Variants in NEBL observed in about 807,000 individuals in gnomAD.
The protein encoded by NEBL is nebulette.
In NEBL, 122 loss-of-function variants were observed where a neutral mutation model predicts 140.2. The ratio of observed to expected loss-of-function variants is 0.87; its 90% CI spans 0.75 to 1.01. NEBL has a LOEUF of 1.01. Among genes scored for constraint, NEBL ranks in the 50% least tolerant of loss-of-function variants. The pLI is 0.00. For missense variants in NEBL, 1,365 were observed against 1,231.3 expected, an observed-to-expected ratio of 1.11 and a Z score of -1.62; for synonymous variants, 436 against 398.9, an observed-to-expected ratio of 1.09 and a Z score of -1.11.
At chr10:20,918,185 C>A (rs1042338772) in intron 4 of NEBL, among the ~76,000 whole-genome samples, 5 of 151,984 alleles carry the variant, frequency 3.3e-5, no homozygotes, top group Non-Finnish European at 7.4e-5. Context: ...ATGCTGAAAC[C>A]CTGTCGCTAC....
At chr10:21,258,908 A>G (rs1384740778) in intron 1 of NEBL, among the ~76,000 whole-genome samples, 1 of 152,032 alleles carries the variant, frequency 6.6e-6, no homozygotes, top group East Asian at 1.9e-4. Flanking sequence ...GGGTCAGGCA[A>G]TGTTCTAGGT....
chr10:21,156,103 TAGAA>T (rs1177905133), intron 2 of NEBL, among the ~76,000 whole-genome samples: 4 of 152,154 alleles, frequency 2.6e-5, no homozygotes, highest in Non-Finnish European at 5.9e-5. Context: ...AGTGGTAAAA[TAGAA>T]AGAATCAGTA....
intron 2 of NEBL, chr10:21,125,754 A>G (rs1332241974): frequency 2.5e-5 from 31 of 1,216,604 alleles, no homozygotes; most frequent in Non-Finnish European, 3.0e-5. Flanking sequence ...GCACGGATGG[A>G]AACAGAACTC....
intron 4 of NEBL, chr10:20,961,654 G>A: frequency 6.5e-7 from 1 of 1,530,914 alleles, no homozygotes; most frequent in Non-Finnish European, 9.1e-7. Flanking sequence ...TCATGCTATT[G>A]AATAAACAGG....
At chr10:20,859,583 TA>T in intron 8 of NEBL, 129 bp downstream of exon 8, 1 of 613,364 alleles carries the variant, frequency 1.6e-6, no homozygotes, top group Non-Finnish European at 2.9e-6. Context: ...GAAAAAGCTT[TA>T]GAAAAATATG....
At chr10:20,953,302 C>T (rs369133494) in intron 4 of NEBL, among the ~76,000 whole-genome samples, 19 of 152,276 alleles carry the variant, frequency 1.2e-4, no homozygotes, top group East Asian at 7.7e-4. Context: ...TCTCTCTCCA[C>T]ATGCACACAC....
At chr10:20,918,892 T>C (rs1441666642) in intron 4 of NEBL, among the ~76,000 whole-genome samples, 2 of 151,832 alleles carry the variant, frequency 1.3e-5, no homozygotes, top group African/African-American at 4.8e-5. Flanking sequence ...ATAATATTAC[T>C]GTCATTCTCT....
intron 3 of NEBL, among the ~76,000 whole-genome samples, chr10:21,198,611 G>A (rs1374742063): frequency 6.6e-6 from 1 of 152,112 alleles, no homozygotes; most frequent in East Asian, 1.9e-4. Flanking sequence ...AAATCCCTTG[G>A]CCATTCTTAT....
chr10:20,943,563 C>T (rs1835006723), intron 4 of NEBL, among the ~76,000 whole-genome samples: 1 of 151,890 alleles, frequency 6.6e-6, no homozygotes, highest in Non-Finnish European at 1.5e-5. Context: ...ATGTTGTGCA[C>T]ATGTACCCTA....
chr10:21,199,080 A>G (rs1242181266), intron 3 of NEBL, among the ~76,000 whole-genome samples: 1 of 151,724 alleles, frequency 6.6e-6, no homozygotes, highest in South Asian at 2.1e-4. Flanking sequence ...GCTGGAGTAC[A>G]GCAGTGCAAT....
intron 20 of NEBL, 87 bp from the exon 21 acceptor site, chr10:20,817,779 T>C (rs1838879598): frequency 9.3e-7 from 1 of 1,079,440 alleles, no homozygotes; most frequent in Admixed American, 1.7e-5. Context: ...ATTAGCACCA[T>C]CTTTTTACAC....
chr10:21,016,492 G>T (rs370719545), intron 3 of NEBL, among the ~76,000 whole-genome samples: 214 of 152,288 alleles, frequency 1.4e-3, no homozygotes, highest in African/African-American at 4.9e-3. Flanking sequence ...AGAGATAACA[G>T]TGGGTAACTA....
intron 2 of NEBL, among the ~76,000 whole-genome samples, chr10:21,077,050 T>C (rs1836130010): frequency 6.6e-6 from 1 of 152,204 alleles, no homozygotes; most frequent in Admixed American, 6.5e-5. Flanking sequence ...AATGGTAACC[T>C]TTATGTTACG....
At chr10:21,259,743 G>A (rs149696444) in intron 1 of NEBL, among the ~76,000 whole-genome samples, 9 of 152,282 alleles carry the variant, frequency 5.9e-5, no homozygotes, top group African/African-American at 1.4e-4. Flanking sequence ...CCCCACGTGC[G>A]ATGGCTTCAG....
chr10:20,872,682 C>A (rs1446087638), intron 5 of NEBL, among the ~76,000 whole-genome samples: 1 of 152,126 alleles, frequency 6.6e-6, no homozygotes, highest in Non-Finnish European at 1.5e-5. Context: ...TCATAAAGAC[C>A]TTGCTGACAA....
At chr10:21,208,238 A>G (rs1406203590) in intron 3 of NEBL, among the ~76,000 whole-genome samples, 4 of 152,228 alleles carry the variant, frequency 2.6e-5, no homozygotes, top group Non-Finnish European at 5.9e-5. Flanking sequence ...GACTCAGCTC[A>G]TGGGGGTCCT....
chr10:21,237,345 C>T (rs1348777281), intron 3 of NEBL, among the ~76,000 whole-genome samples: 1 of 151,750 alleles, frequency 6.6e-6, no homozygotes, highest in African/African-American at 2.4e-5. Context: ...GCTAAGATTA[C>T]AGGCGCAAGC....
intron 4 of NEBL, among the ~76,000 whole-genome samples, chr10:20,937,182 T>C (rs982442319): frequency 2.0e-5 from 3 of 152,152 alleles, no homozygotes; most frequent in African/African-American, 7.2e-5. Context: ...CTCAATTACA[T>C]GTTAATAAAA....
rs1280636736 is a variant in NEBL at position 20,784,442 on chromosome 10, A to G, written c.*1305T>C. 1 of 152,228 alleles carries G rather than the reference A, an allele frequency of 6.6e-6. No homozygotes were observed. The highest frequency in any genetic ancestry group is 2.4e-5 in the African/African-American group (1 of 41,456). 9.4% of individuals were successfully genotyped at this position (152,228 alleles called of 1,614,324 possible). ...AGAACAGGCTCTTGGGCCTGTACTA[A>G]AAAATCTCTGATGACATTCCTGTTT... On this transcript the variant is annotated 3_prime_UTR_variant, in exon 28 of 28. Coordinates refer to ENST00000377122, the MANE Select transcript of NEBL (RefSeq NM_006393.3).
Sources: allele counts gnomAD v4.1 joint callset (sites outside exome capture counted in the v4.1 genomes callset), GRCh38; gene constraint gnomAD v4.1.1; transcripts MANE v1.5; gene names NCBI Gene and HGNC (gene_info 2026-07-23, HGNC 2026-07-21).